SUPT3H: variants seen among roughly 807,000 people sequenced by gnomAD.
SUPT3H encodes SPT3 homolog, SAGA and STAGA complex component.
A neutral mutation model predicts 44.3 loss-of-function variants in SUPT3H; 44 were observed. The ratio of observed to expected loss-of-function variants is 0.99; its 90% CI spans 0.78 to 1.28. The LOEUF is 1.28. Among genes scored for constraint, SUPT3H ranks in the 50% most tolerant of loss-of-function variants. The pLI is 0.00. For synonymous variants in SUPT3H, 124 were observed against 125.6 expected, an observed-to-expected ratio of 0.99 and a Z score of 0.09; for missense variants, 380 against 387.1, an observed-to-expected ratio of 0.98 and a Z score of 0.15.
intron 6 of SUPT3H, among the ~76,000 whole-genome samples, chr6:44,966,965 A>G (rs1776865462): frequency 1.3e-5 from 2 of 152,164 alleles, no homozygotes; most frequent in African/African-American, 4.8e-5. Flanking sequence ...TTGTATCTGC[A>G]AGTCCAGTAT....
At chr6:45,376,821 T>C (rs1391054707) in intron 1 of SUPT3H, among the ~76,000 whole-genome samples, 1 of 151,794 alleles carries the variant, frequency 6.6e-6, no homozygotes, top group Non-Finnish European at 1.5e-5. Context: ...TCACATATAC[T>C]AAGACCCCAG....
intron 2 of SUPT3H, among the ~76,000 whole-genome samples, chr6:45,212,646 T>C (rs1041874047): frequency 3.9e-5 from 6 of 152,186 alleles, no homozygotes; most frequent in African/African-American, 9.7e-5. Context: ...AAAGGGTATA[T>C]AGAATGTAGT....
intron 2 of SUPT3H, among the ~76,000 whole-genome samples, chr6:45,349,065 T>C (rs1235066826): frequency 1.3e-5 from 2 of 152,206 alleles, no homozygotes; most frequent in Non-Finnish European, 2.9e-5. Flanking sequence ...TTAAATTCTG[T>C]CATTACGTAA....
At chr6:45,196,058 A>G (rs551407079) in intron 2 of SUPT3H, among the ~76,000 whole-genome samples, 4 of 152,146 alleles carry the variant, frequency 2.6e-5, no homozygotes, top group Non-Finnish European at 5.9e-5. Flanking sequence ...CGCTAAAAAT[A>G]TATTTCACAT....
At chr6:44,902,744 A>T (rs532961022) in intron 10 of SUPT3H, among the ~76,000 whole-genome samples, 1 of 152,290 alleles carries the variant, frequency 6.6e-6, no homozygotes, top group Non-Finnish European at 1.5e-5. Context: ...TCAGCACCAC[A>T]CTGCACTTAC....
chr6:45,119,335 T>C (rs901024839), intron 2 of SUPT3H, among the ~76,000 whole-genome samples: 1 of 152,158 alleles, frequency 6.6e-6, no homozygotes, highest in Non-Finnish European at 1.5e-5. Flanking sequence ...TTATTTAAAT[T>C]TGTATTCTGA....
intron 10 of SUPT3H, among the ~76,000 whole-genome samples, chr6:44,904,388 G>A (rs1196499865): frequency 2.6e-5 from 4 of 152,042 alleles, no homozygotes; most frequent in African/African-American, 9.7e-5. Context: ...GACAAACAGA[G>A]AGCCAAATCA....
chr6:44,881,475 T>C (rs1056180961), intron 10 of SUPT3H, among the ~76,000 whole-genome samples: 1 of 152,164 alleles, frequency 6.6e-6, no homozygotes, highest in Non-Finnish European at 1.5e-5. Flanking sequence ...ATTAGACAGA[T>C]CAACAAGACA....
At chr6:45,253,617 C>T (rs1772764994) in intron 2 of SUPT3H, among the ~76,000 whole-genome samples, 1 of 151,720 alleles carries the variant, frequency 6.6e-6, no homozygotes, top group African/African-American at 2.4e-5. Context: ...CTAAGCAGAA[C>T]CTTGTCTCTA....
At chr6:44,863,330 G>C (rs1007412256) in intron 10 of SUPT3H, among the ~76,000 whole-genome samples, 2 of 152,200 alleles carry the variant, frequency 1.3e-5, no homozygotes, top group Non-Finnish European at 2.9e-5. Context: ...CACATGCTAT[G>C]GGATGAAAAG....
chr6:44,815,354 T>C (rs1766839939), intron 11 of SUPT3H, among the ~76,000 whole-genome samples: 1 of 152,192 alleles, frequency 6.6e-6, no homozygotes, highest in African/African-American at 2.4e-5. Flanking sequence ...AATGTAACCA[T>C]ATCAATCATT....
intron 5 of SUPT3H, among the ~76,000 whole-genome samples, chr6:45,013,126 T>C (rs1783742165): frequency 6.6e-6 from 1 of 152,156 alleles, no homozygotes; most frequent in South Asian, 2.1e-4. Flanking sequence ...CAGAGATTGA[T>C]TGATCTAAAT....
chr6:45,080,796 A>C (rs2153558199), intron 3 of SUPT3H, among the ~76,000 whole-genome samples: 1 of 152,144 alleles, frequency 6.6e-6, no homozygotes, highest in South Asian at 2.1e-4. Flanking sequence ...GAAGAAGTGG[A>C]GGTAAAGTGG....
At chr6:45,268,465 T>C (rs961353426) in intron 2 of SUPT3H, among the ~76,000 whole-genome samples, 5 of 152,184 alleles carry the variant, frequency 3.3e-5, no homozygotes, top group Non-Finnish European at 5.9e-5. Context: ...TATTTTTTAA[T>C]GAACGATTCG....
chr6:44,881,162 C>T (rs1251871233), intron 10 of SUPT3H, among the ~76,000 whole-genome samples: 1 of 151,888 alleles, frequency 6.6e-6, no homozygotes, highest in Non-Finnish European at 1.5e-5. Context: ...TGTGCAAAGA[C>T]ACAAAAAGGC....
intron 2 of SUPT3H, among the ~76,000 whole-genome samples, chr6:45,227,075 G>A (rs1767081724): frequency 6.6e-6 from 1 of 150,810 alleles, no homozygotes; most frequent in Non-Finnish European, 1.5e-5. Flanking sequence ...AAACTCCTGA[G>A]CTCAAGGGAT....
chr6:44,999,723 A>G (rs1367064308), intron 6 of SUPT3H, among the ~76,000 whole-genome samples: 2 of 152,022 alleles, frequency 1.3e-5, no homozygotes, highest in African/African-American at 4.8e-5. Context: ...CTCCACAACA[A>G]ATGTTTTTCT....
chr6:44,929,027 T>A (rs1770107877), intron 10 of SUPT3H, among the ~76,000 whole-genome samples: 1 of 150,614 alleles, frequency 6.6e-6, no homozygotes. Flanking sequence ...TGTTCACAGG[T>A]GTGTGGCAGG....
intron 2 of SUPT3H, among the ~76,000 whole-genome samples, chr6:45,277,230 C>T (rs1169853286): frequency 6.6e-6 from 1 of 152,082 alleles, no homozygotes; most frequent in African/African-American, 2.4e-5. Flanking sequence ...ATACTTTTCT[C>T]TATTAGAAGT....
Sources: allele counts gnomAD v4.1 joint callset (sites outside exome capture counted in the v4.1 genomes callset), GRCh38; gene constraint gnomAD v4.1.1; transcripts MANE v1.5; gene names NCBI Gene and HGNC (gene_info 2026-07-23, HGNC 2026-07-21).